ATP11C: variants seen among roughly 807,000 people sequenced by gnomAD.
ATP11C encodes ATPase phospholipid transporting 11C (ATP11C blood group).
ATP11C carries 36 observed loss-of-function variants against 97.4 expected under a neutral mutation model. The observed-to-expected ratio is 0.37, with a 90% CI of 0.28 to 0.49. The LOEUF (loss-of-function observed/expected upper bound fraction) is 0.49, where lower values mean the gene tolerates loss of function less well. Among genes scored for constraint, ATP11C ranks in the 20% least tolerant of loss-of-function variants. The pLI is 0.98. For synonymous variants in ATP11C, 275 were observed against 290.9 expected, an observed-to-expected ratio of 0.95 and a Z score of 0.56; for missense variants, 730 against 824.6, an observed-to-expected ratio of 0.89 and a Z score of 1.40.
At chrX:139,892,929 T>C (rs1383734842) in intron 1 of ATP11C, among the ~76,000 whole-genome samples, 1 of 111,717 alleles carries the variant, frequency 9.0e-6, no homozygotes. Flanking sequence ...CGCCTCTAAG[T>C]TCAAAAGAGG....
Position 139,788,282 on chromosome X carries a change from T to C in ATP11C, c.1430A>G (p.Asn477Ser), listed in dbSNP as rs765633736. Residue 477 changes from asparagine (N) to serine (S), a missense_variant, in exon 14 of 30, where the codon AAC (asparagine) becomes AGC (serine). Transcript: ENST00000682941. The part of the protein sequence containing the change: ...CLCHTVEIKT[N>S]DAVDGATESA... ...TTCTGTAGCTCCATCAACAGCATCG[T>C]TTGTTTTGATTTCTACAGTATGACA... 1 of 1,205,732 alleles carries C rather than the reference T, an allele frequency of 8.3e-7. No homozygotes were observed. Among genetic ancestry groups the C allele is most frequent in the African/African-American group, 1.7e-5 (1 of 57,168 alleles).
At chrX:139,919,227 A>G (rs1269282510) in intron 1 of ATP11C, among the ~76,000 whole-genome samples, 1 of 109,478 alleles carries the variant, frequency 9.1e-6, no homozygotes, top group East Asian at 2.9e-4. Context: ...GGGGCGACAG[A>G]GCAAGACTCT....
At chrX:139,777,858 G>A (rs1294297855) in intron 18 of ATP11C, among the ~76,000 whole-genome samples, 2 of 107,175 alleles carry the variant, frequency 1.9e-5, no homozygotes, top group African/African-American at 7.3e-5. Context: ...GATTGGGGAT[G>A]TAGTTTGGCC....
chrX:139,755,707 C>A (rs572998101), intron 23 of ATP11C, among the ~76,000 whole-genome samples: 1 of 111,654 alleles, frequency 9.0e-6, no homozygotes, highest in African/African-American at 3.3e-5. Flanking sequence ...ACATAGCTGA[C>A]AGAAACAAGC....
chrX:139,906,137 C>T (rs1179727709), intron 1 of ATP11C, among the ~76,000 whole-genome samples: 1 of 110,706 alleles, frequency 9.0e-6, no homozygotes, highest in Non-Finnish European at 1.9e-5. Flanking sequence ...CATAGTGGCT[C>T]ATGCCTATAA....
At chrX:139,789,138 G>T (rs1165194932) in intron 13 of ATP11C, among the ~76,000 whole-genome samples, 189 bp downstream of exon 13, 2 of 109,668 alleles carry the variant, frequency 1.8e-5, no homozygotes, top group Non-Finnish European at 3.8e-5. Flanking sequence ...GGGAAGCGGA[G>T]GTTGCAGTGA....
chrX:139,830,965 A>G (rs1486707581), intron 1 of ATP11C, among the ~76,000 whole-genome samples: 1 of 111,483 alleles, frequency 9.0e-6, no homozygotes, highest in East Asian at 2.8e-4. Context: ...TTTCCAGTGT[A>G]TTAAGCTTCT....
At chrX:139,865,056 C>G in intron 1 of ATP11C, among the ~76,000 whole-genome samples, 1 of 112,084 alleles carries the variant, frequency 8.9e-6, no homozygotes. Context: ...TAATCAAAGT[C>G]AAAGCTCAAA....
intron 1 of ATP11C, among the ~76,000 whole-genome samples, chrX:139,866,652 G>A (rs1432738175): frequency 9.2e-6 from 1 of 108,483 alleles, no homozygotes; most frequent in Admixed American, 9.9e-5. Context: ...CTGTGAGGTC[G>A]AGGCTGTGGT....
chrX:139,841,921 G>T (rs1006430593), intron 1 of ATP11C, among the ~76,000 whole-genome samples: 2 of 112,244 alleles, frequency 1.8e-5, no homozygotes, highest in African/African-American at 3.2e-5. Flanking sequence ...ATTTTCCTGG[G>T]ACTAGGACCT....
At chrX:139,792,199 C>A (rs755472367) in intron 12 of ATP11C, among the ~76,000 whole-genome samples, 7 of 110,550 alleles carry the variant, frequency 6.3e-5, no homozygotes, top group African/African-American at 2.0e-4. Context: ...CCATAAACTC[C>A]CCAAAAAACT....
At chrX:139,847,256 G>A (rs1333166907) in intron 1 of ATP11C, among the ~76,000 whole-genome samples, 2 of 110,044 alleles carry the variant, frequency 1.8e-5, no homozygotes, top group African/African-American at 6.6e-5. Context: ...TGGCGTGCAT[G>A]CCTGTAGTCC....
Position 139,756,092 on chromosome X carries a change from A to G in ATP11C, c.2700+1716T>C, listed in dbSNP as rs1161811307. Among the ~76,000 whole-genome samples, 3 of 112,584 alleles carry G rather than the reference A, an allele frequency of 2.7e-5. No individual in the cohort carries two copies. The East Asian group carries it at 8.3e-4, about 31-fold the overall frequency. On this transcript the variant is annotated intron_variant, in intron 23 of 29. Coordinates refer to ENST00000682941, the MANE Select transcript of ATP11C (RefSeq NM_001353812.2). ...AAATGATGAATGTGACAAATATGTA[A>G]TATCCAGCATCTGTAAGGAACTTAC... is the stretch of plus-strand genomic sequence containing the variant.
intron 1 of ATP11C, among the ~76,000 whole-genome samples, chrX:139,829,848 G>A (rs1201308176): frequency 9.0e-6 from 1 of 110,727 alleles, no homozygotes; most frequent in Non-Finnish European, 1.9e-5. Flanking sequence ...ACTGAATGCT[G>A]TAAAAAAAAA....
chrX:139,766,130 A>G (rs1215633185), intron 20 of ATP11C, among the ~76,000 whole-genome samples: 2 of 112,299 alleles, frequency 1.8e-5, no homozygotes, highest in East Asian at 5.6e-4. Flanking sequence ...CTGAAAAAGT[A>G]AAGTAGATCA....
At chrX:139,891,403 T>C (rs2084728638) in intron 1 of ATP11C, among the ~76,000 whole-genome samples, 1 of 111,138 alleles carries the variant, frequency 9.0e-6, no homozygotes, top group Non-Finnish European at 1.9e-5. Context: ...AAAAGTTAAA[T>C]TAAAAAGAGA....
chrX:139,815,422 C>T (rs1355622516), intron 4 of ATP11C, among the ~76,000 whole-genome samples: 2 of 111,170 alleles, frequency 1.8e-5, no homozygotes, highest in Non-Finnish European at 3.8e-5. Context: ...TAATCATCTC[C>T]AAGGGAGTAT....
intron 1 of ATP11C, chrX:139,885,439 G>A (rs971815335): frequency 9.0e-6 from 1 of 111,148 alleles, no homozygotes; most frequent in Non-Finnish European, 1.9e-5. Flanking sequence ...ACTTTTGATA[G>A]CCTAAAAGAC....
intron 1 of ATP11C, among the ~76,000 whole-genome samples, chrX:139,849,840 T>G (rs1471870630): frequency 1.8e-5 from 2 of 112,445 alleles, no homozygotes; most frequent in Non-Finnish European, 1.9e-5. Flanking sequence ...ATTAATGTCA[T>G]AATTGCAGAA....
Sources: allele counts gnomAD v4.1 joint callset (sites outside exome capture counted in the v4.1 genomes callset), GRCh38; gene constraint gnomAD v4.1.1; transcripts MANE v1.5; gene names NCBI Gene and HGNC (gene_info 2026-07-23, HGNC 2026-07-21).